Variants in GULP1 observed in about 807,000 individuals in gnomAD.
GULP1 encodes the protein PTB domain-containing engulfment adapter protein 1.
Under a neutral mutation model 40.9 loss-of-function variants are expected in GULP1, and 19 were observed. The observed-to-expected ratio is 0.46, with a 90% confidence interval of 0.32 to 0.68. The LOEUF (loss-of-function observed/expected upper bound fraction) is 0.68. Among genes scored for constraint, GULP1 ranks in the 30% least tolerant of loss-of-function variants. The pLI, the probability that GULP1 is intolerant of heterozygous loss-of-function variation, is 0.03. For missense variants in GULP1, 312 were observed against 362.2 expected (o/e 0.86, Z 1.12); for synonymous variants, 119 against 117.6 (o/e 1.01, Z -0.08).
At chr2:188,303,009 C>T (rs1404572291) in intron 1 of GULP1, among the ~76,000 whole-genome samples, 1 of 152,094 alleles carries the variant, frequency 6.6e-6, no homozygotes, top group Non-Finnish European at 1.5e-5. Flanking sequence ...GTCCCAACGC[C>T]TGTTATGATG....
intron 1 of GULP1, among the ~76,000 whole-genome samples, chr2:188,324,523 A>G (rs1480609741): frequency 6.6e-6 from 1 of 152,046 alleles, no homozygotes; most frequent in African/African-American, 2.4e-5. Context: ...AAGACATTGA[A>G]TATAGTGACT....
chr2:188,553,289 T>G (rs1176378458), intron 7 of GULP1, among the ~76,000 whole-genome samples: 1 of 151,940 alleles, frequency 6.6e-6, no homozygotes, highest in African/African-American at 2.4e-5. Flanking sequence ...TCAACATTTC[T>G]TCCTTCAGTG....
chr2:188,558,598 G>A (rs1043405799), intron 7 of GULP1, among the ~76,000 whole-genome samples: 1 of 152,210 alleles, frequency 6.6e-6, no homozygotes, highest in Non-Finnish European at 1.5e-5. Context: ...GTAACAGGCA[G>A]AGGGTGGAAC....
intron 6 of GULP1, among the ~76,000 whole-genome samples, chr2:188,531,193 G>C (rs1364666453): frequency 6.6e-6 from 1 of 152,162 alleles, no homozygotes; most frequent in Non-Finnish European, 1.5e-5. Context: ...ATCTGTATTT[G>C]CAATTAAAGA....
At chr2:188,314,331 A>G (rs766723254) in intron 1 of GULP1, among the ~76,000 whole-genome samples, 2 of 152,154 alleles carry the variant, frequency 1.3e-5, no homozygotes, top group Non-Finnish European at 2.9e-5. Flanking sequence ...GTCAAAGTCA[A>G]ACTTTCTCCT....
chr2:188,584,252 A>C lies in GULP1; in HGVS notation c.610-13A>C. On this transcript the variant is annotated splice_polypyrimidine_tract_variant and intron_variant, in intron 9 of 11. Transcript: ENST00000409830. ...TATGAAATATTACCCTAATTCATTT[A>C]TTTTCATTGCAGGCAGGCAGTATGA... 6.3e-7 allele frequency: 1 copy of C among 1,582,582 alleles called. No individual in the cohort carries two copies. The highest frequency in any genetic ancestry group is 8.7e-7 in the Non-Finnish European group (1 of 1,153,076).
chr2:188,426,293 C>T (rs543525646), intron 2 of GULP1, among the ~76,000 whole-genome samples: 14 of 152,204 alleles, frequency 9.2e-5, no homozygotes, highest in African/African-American at 2.4e-4. Flanking sequence ...TAGATAAGAT[C>T]GCTAGAGTTA....
intron 2 of GULP1, among the ~76,000 whole-genome samples, chr2:188,408,471 A>C (rs2053432873): frequency 6.6e-6 from 1 of 152,172 alleles, no homozygotes; most frequent in Admixed American, 6.5e-5. Context: ...TAAGATGTAA[A>C]ATTTTTAAGT....
chr2:188,565,919 C>A (rs1045747524), intron 7 of GULP1, among the ~76,000 whole-genome samples: 1 of 152,012 alleles, frequency 6.6e-6, no homozygotes. Context: ...AGAATACAGA[C>A]ACAAAATAAT....
chr2:188,564,557 G>C (rs1467423456), intron 7 of GULP1, among the ~76,000 whole-genome samples: 2 of 151,818 alleles, frequency 1.3e-5, no homozygotes, highest in Non-Finnish European at 3.0e-5. Context: ...AAGTATTGAT[G>C]TAAGTAAAAA....
chr2:188,364,138 C>T (rs2046436472), intron 1 of GULP1, among the ~76,000 whole-genome samples: 1 of 152,092 alleles, frequency 6.6e-6, no homozygotes, highest in African/African-American at 2.4e-5. Flanking sequence ...TTAAATAAAT[C>T]CTTGTGGATT....
chr2:188,428,883 G>GT (rs199940064), intron 2 of GULP1, among the ~76,000 whole-genome samples: 1,797 of 150,624 alleles, frequency 0.012, 18 homozygotes, highest in Non-Finnish European at 0.02. Flanking sequence ...AAAAAAAAGT[G>GT]TGTTTTTTTT....
chr2:188,483,432 C>T lies in GULP1; in HGVS notation c.30C>T (p.Asp10=), dbSNP rs1324604499. 1.3e-6 allele frequency: 2 copies of T among 1,507,388 alleles called. No individual in the cohort carries two copies. The highest frequency in any genetic ancestry group is 1.8e-6 in the Non-Finnish European group (2 of 1,093,554). 93.4% of individuals were successfully genotyped at this position (1,507,388 alleles called of 1,614,324 possible). The part of the protein sequence containing the change: MNRAFSRKK[D]KTWMHTPEAL... ...AACTCTGTGTATTTTTTATTGCAGA[C>T]AAAACATGGATGCATACACCTGAAG... The change falls in exon 4 of 12, where the codon GAC becomes GAT. Residue 10 remains aspartate, a splice_region_variant and synonymous_variant. Transcript: ENST00000409830.
At chr2:188,408,571 AG>A (rs1430139044) in intron 2 of GULP1, among the ~76,000 whole-genome samples, 1 of 152,192 alleles carries the variant, frequency 6.6e-6, no homozygotes, top group Non-Finnish European at 1.5e-5. Context: ...CAATAATATT[AG>A]GGGACTTTGA....
intron 2 of GULP1, among the ~76,000 whole-genome samples, chr2:188,438,106 A>G (rs1301011612): frequency 1.3e-5 from 2 of 152,114 alleles, no homozygotes; most frequent in African/African-American, 4.8e-5. Context: ...TAAATACATA[A>G]AAAATACAAA....
At chr2:188,496,248 T>A (rs1385156869) in intron 4 of GULP1, among the ~76,000 whole-genome samples, 1 of 151,968 alleles carries the variant, frequency 6.6e-6, no homozygotes, top group Non-Finnish European at 1.5e-5. Context: ...CTAGCTATAA[T>A]CCTAAATAAT....
At chr2:188,579,068 A>T (rs575332384) in intron 9 of GULP1, among the ~76,000 whole-genome samples, 399 of 152,262 alleles carry the variant, frequency 2.6e-3, no homozygotes, top group Non-Finnish European at 4.2e-3. Flanking sequence ...TTATCCATAT[A>T]TTTAAATGTG....
At chr2:188,394,314 A>G (rs1466484399) in intron 2 of GULP1, among the ~76,000 whole-genome samples, 3 of 152,030 alleles carry the variant, frequency 2.0e-5, no homozygotes, top group African/African-American at 7.2e-5. Context: ...GGTTTAGTCT[A>G]TTATTAAAAC....
intron 1 of GULP1, among the ~76,000 whole-genome samples, chr2:188,322,001 G>T (rs2040056628): frequency 6.6e-6 from 1 of 152,052 alleles, no homozygotes; most frequent in Admixed American, 6.6e-5. Context: ...CTCCAGCCTG[G>T]ACAACAGGAG....
Sources: allele counts gnomAD v4.1 joint callset (sites outside exome capture counted in the v4.1 genomes callset), GRCh38; gene constraint gnomAD v4.1.1; transcripts MANE v1.5; gene names NCBI Gene and HGNC (gene_info 2026-07-23, HGNC 2026-07-21).